The following ARL15 variants were observed in gnomAD, a reference collection of about 807,000 sequenced individuals.
ARL15 encodes the protein ADP-ribosylation factor-like protein 15.
Under a neutral mutation model 25.2 loss-of-function variants are expected in ARL15, and 19 were observed. The observed-to-expected ratio is 0.75, with a 90% CI of 0.53 to 1.10. ARL15 has a LOEUF of 1.10. Among genes scored for constraint, ARL15 ranks in the 50% least tolerant of loss-of-function variants. The pLI, the probability that ARL15 is intolerant of heterozygous loss-of-function variation, is 0.00. For synonymous variants in ARL15, 94 were observed against 86.8 expected (o/e 1.08, Z -0.46); for missense variants, 220 against 246.0 (o/e 0.89, Z 0.71).
chr5:54,232,065 C>G (rs6892938), intron 1 of ARL15, among the ~76,000 whole-genome samples: 1 of 152,074 alleles, frequency 6.6e-6, no homozygotes, highest in Non-Finnish European at 1.5e-5. Context: ...CTCCAGAACC[C>G]TCTCCTTTTC....
At chr5:54,291,466 GTAT>G (rs1431378348) in intron 1 of ARL15, among the ~76,000 whole-genome samples, 3 of 151,992 alleles carry the variant, frequency 2.0e-5, no homozygotes, top group Non-Finnish European at 4.4e-5. Context: ...TTTTTATTTT[GTAT>G]TATTTTTTAT....
chr5:54,152,893 G>T (rs1754111250), intron 3 of ARL15, among the ~76,000 whole-genome samples: 1 of 152,132 alleles, frequency 6.6e-6, no homozygotes, highest in African/African-American at 2.4e-5. Flanking sequence ...TCATTGTACT[G>T]AATTTTGATG....
At chr5:53,970,515 C>T (rs370569402) in intron 4 of ARL15, among the ~76,000 whole-genome samples, 5 of 151,712 alleles carry the variant, frequency 3.3e-5, no homozygotes, top group South Asian at 2.1e-4. Context: ...AGAGAGAGAG[C>T]GAGAGAGAAC....
At chr5:54,108,103 T>C (rs1300090510) in intron 4 of ARL15, among the ~76,000 whole-genome samples, 1 of 152,134 alleles carries the variant, frequency 6.6e-6, no homozygotes, top group Non-Finnish European at 1.5e-5. Context: ...AAGTTGCTCT[T>C]CAAAATACAC....
chr5:54,082,975 GAA>G (rs1751851441), intron 4 of ARL15, among the ~76,000 whole-genome samples: 1 of 152,130 alleles, frequency 6.6e-6, no homozygotes. Context: ...TGGGAAAAAT[GAA>G]AAGACAGATG....
chr5:53,975,402 A>G (rs1747892104), intron 4 of ARL15, among the ~76,000 whole-genome samples: 1 of 152,216 alleles, frequency 6.6e-6, no homozygotes, highest in African/African-American at 2.4e-5. Context: ...CCTACAAAGC[A>G]CTTGCAAAGG....
intron 1 of ARL15, among the ~76,000 whole-genome samples, chr5:54,305,623 A>G (rs1036943678): frequency 4.6e-5 from 7 of 152,182 alleles, no homozygotes; most frequent in African/African-American, 1.7e-4. Context: ...ATTTTTTCCT[A>G]TACACACACA....
chr5:54,265,370 T>C (rs954860926), intron 1 of ARL15, among the ~76,000 whole-genome samples: 2 of 152,204 alleles, frequency 1.3e-5, no homozygotes, highest in African/African-American at 4.8e-5. Context: ...GCACGAGTGC[T>C]GCCACTTTAA....
intron 1 of ARL15, among the ~76,000 whole-genome samples, chr5:54,304,326 T>C (rs557846157): frequency 6.6e-6 from 1 of 152,246 alleles, no homozygotes; most frequent in Non-Finnish European, 1.5e-5. Flanking sequence ...CTATTACACA[T>C]GCAAAGCACT....
intron 4 of ARL15, among the ~76,000 whole-genome samples, chr5:53,908,359 T>C (rs934511932): frequency 3.3e-5 from 5 of 152,154 alleles, no homozygotes; most frequent in African/African-American, 7.2e-5. Context: ...GTACTGAACA[T>C]GTAATGAACT....
At chr5:53,972,101 T>G (rs1242091909) in intron 4 of ARL15, among the ~76,000 whole-genome samples, 2 of 152,194 alleles carry the variant, frequency 1.3e-5, no homozygotes, top group Non-Finnish European at 2.9e-5. Context: ...CATTATACTA[T>G]TCTCTCAACT....
chr5:53,927,669 C>T (rs1746073130), intron 4 of ARL15, among the ~76,000 whole-genome samples: 1 of 152,076 alleles, frequency 6.6e-6, no homozygotes, highest in Non-Finnish European at 1.5e-5. Context: ...ATGGTATGGA[C>T]AAGGAGCTTA....
At chr5:54,029,317 C>CCAA (rs1308011496) in intron 4 of ARL15, among the ~76,000 whole-genome samples, 2,392 of 119,046 alleles carry the variant, frequency 0.02, 99 homozygotes, top group East Asian at 0.081. Context: ...ACCACCACCA[C>CCAA]CACCACCACC....
At chr5:54,230,432 GGAA>G (rs1756639889) in intron 1 of ARL15, among the ~76,000 whole-genome samples, 1 of 151,706 alleles carries the variant, frequency 6.6e-6, no homozygotes, top group African/African-American at 2.4e-5. Flanking sequence ...GCACAAAGAA[GGAA>G]GAAGAGAATG....
At chr5:53,953,929 TG>T (rs1747057853) in intron 4 of ARL15, among the ~76,000 whole-genome samples, 2 of 152,254 alleles carry the variant, frequency 1.3e-5, no homozygotes, top group South Asian at 4.2e-4. Context: ...AGTAGTGAGA[TG>T]GTAATAGATT....
At chr5:54,031,603 G>A (rs1749984989) in intron 4 of ARL15, among the ~76,000 whole-genome samples, 1 of 152,174 alleles carries the variant, frequency 6.6e-6, no homozygotes, top group African/African-American at 2.4e-5. Flanking sequence ...CTGTGTTATG[G>A]AAAGTTTATT....
chr5:54,276,234 A>G (rs1200953011), intron 1 of ARL15, among the ~76,000 whole-genome samples: 1 of 152,204 alleles, frequency 6.6e-6, no homozygotes, highest in Admixed American at 6.5e-5. Flanking sequence ...GCATTCCTTT[A>G]TAATGACTGC....
At chr5:54,058,114 C>T (rs1750944592) in intron 4 of ARL15, among the ~76,000 whole-genome samples, 1 of 151,628 alleles carries the variant, frequency 6.6e-6, no homozygotes, top group Admixed American at 6.6e-5. Context: ...CAAGTGATTC[C>T]CCTGCCTCAG....
intron 1 of ARL15, among the ~76,000 whole-genome samples, chr5:54,187,556 T>A (rs1219637957): frequency 6.6e-6 from 1 of 152,178 alleles, no homozygotes; most frequent in East Asian, 1.9e-4. Flanking sequence ...TAAGAGTCAG[T>A]CTGAACCAAG....
Sources: allele counts gnomAD v4.1 joint callset (sites outside exome capture counted in the v4.1 genomes callset), GRCh38; gene constraint gnomAD v4.1.1; transcripts MANE v1.5; gene names NCBI Gene and HGNC (gene_info 2026-07-23, HGNC 2026-07-21).